The following FRYL variants were observed in gnomAD, a reference collection of about 807,000 sequenced individuals.
FRYL encodes protein furry homolog-like.
A neutral mutation model predicts 351.2 loss-of-function variants in FRYL; 150 were observed. The observed-to-expected ratio is 0.43, with a 90% CI of 0.37 to 0.49. FRYL has a LOEUF of 0.49. Ranked by LOEUF, FRYL falls within the 20% of genes least tolerant of loss-of-function variation. The pLI is 0.00. For synonymous variants in FRYL, 1,153 were observed against 1,257.1 expected (o/e 0.92, Z 1.75); for missense variants, 3,036 against 3,619.3 (o/e 0.84, Z 4.13).
In FRYL at chr4:48,528,004, A is replaced by G; in HGVS notation, c.7107T>C (p.Cys2369=). ...REKLMNVLSL[C]GPESGLPKNP... ...TCTTTGGGAGGCCAGATTCTGGACC[A>G]CAGAGAGAAAGCACATTCATTAGCT... Residue 2369 remains cysteine (C), a synonymous_variant, in exon 52 of 64, where the codon TGT becomes TGC. Coordinates refer to ENST00000358350, the MANE Select transcript of FRYL (RefSeq NM_015030.2). 2 of 1,582,770 alleles carry G rather than the reference A, an allele frequency of 1.3e-6. No individual in the cohort carries two copies. Among genetic ancestry groups the G allele is most frequent in the Non-Finnish European group, 1.7e-6 (2 of 1,171,450 alleles).
Position 48,730,490 on chromosome 4 carries a change from T to C in FRYL, c.-383-19792A>G, listed in dbSNP as rs1390839294. 3.3e-5 allele frequency among the ~76,000 whole-genome samples: 5 copies of C among 152,138 alleles called. No individual in the cohort carries two copies. In the East Asian group the frequency reaches 7.7e-4, roughly 23 times the overall value. On this transcript the variant is annotated intron_variant, in intron 1 of 63. Coordinates refer to ENST00000358350, the MANE Select transcript of FRYL (RefSeq NM_015030.2). Reference sequence around the variant, plus strand: ...GTTAAGGACAGCCAGAGAGAAAGGCTGGGTTACCCACAAAAGGGAAGCCCA... The same window carrying C: ...GTTAAGGACAGCCAGAGAGAAAGGCCGGGTTACCCACAAAAGGGAAGCCCA...
intron 3 of FRYL, among the ~76,000 whole-genome samples, chr4:48,684,202 T>C (rs1764938614): frequency 1.3e-5 from 2 of 152,186 alleles, no homozygotes; most frequent in Non-Finnish European, 2.9e-5. Context: ...CTGTGCAAGA[T>C]ATGAAGGCAT....
intron 1 of FRYL, among the ~76,000 whole-genome samples, chr4:48,752,953 CG>C (rs1287360964): frequency 1.3e-5 from 2 of 151,954 alleles, no homozygotes; most frequent in East Asian, 3.9e-4. Context: ...CGTTGGAGTC[CG>C]TTAATTGCAG....
At chr4:48,516,630 C>T (rs1481183595) in intron 55 of FRYL, among the ~76,000 whole-genome samples, 10 of 152,096 alleles carry the variant, frequency 6.6e-5, no homozygotes, top group Non-Finnish European at 1.0e-4. Context: ...CCTAGACTAG[C>T]CCAGGCCTTA....
intron 3 of FRYL, among the ~76,000 whole-genome samples, chr4:48,672,543 A>G (rs1335452176): frequency 6.6e-6 from 1 of 152,254 alleles, no homozygotes; most frequent in Admixed American, 6.5e-5. Context: ...AGGAAAAAGA[A>G]GTCCTGACCT....
In FRYL at chr4:48,565,010, C is replaced by G; in HGVS notation, c.3364G>C (p.Ala1122Pro). Residue 1122 changes from alanine to proline, a missense_variant, in exon 30 of 64, where the codon GCA (alanine) becomes CCA (proline). Around this residue, in one of 7 missense-constraint regions of FRYL, gnomAD observed 1,987 missense variants for 2,311.7 expected, o/e 0.86. Coordinates refer to ENST00000358350, the MANE Select transcript of FRYL (RefSeq NM_015030.2). ...TCTGATGAAAGTCCTACATTATCTGCAACAGGGCCACAACACAGTACAGCA... is the reference window on the plus strand; with the variant it reads ...TCTGATGAAAGTCCTACATTATCTGGAACAGGGCCACAACACAGTACAGCA... ...MSAVLCCGPV[A>P]DNVGLSSDGY... 6.2e-7 allele frequency: 1 copy of G among 1,607,556 alleles called. No individual in the cohort carries two copies. Among genetic ancestry groups the G allele is most frequent in the Non-Finnish European group, 8.5e-7 (1 of 1,175,054 alleles).
In FRYL at chr4:48,564,083, T is replaced by A; in HGVS notation, c.3461A>T (p.Glu1154Val). 1 of 1,614,060 alleles carries A rather than the reference T, an allele frequency of 6.2e-7. No individual in the cohort carries two copies. The highest frequency in any genetic ancestry group is 8.5e-7 in the Non-Finnish European group (1 of 1,179,982). Residue 1154 changes from glutamate to valine, a missense_variant, in exon 31 of 64, where the codon GAA becomes GTA. Glu to Val is a moderately radical substitution (Grantham distance 121, BLOSUM62 -2). Transcript: ENST00000358350. ...LDKKVHQLGC[E>V]AVTLLLELNP... ...CAGCTCCAGTAACAACGTAACTGCT[T>A]CACAGCCCAGCTGGTGAACCTAGGT...
rs57457069 is a variant in FRYL, at chr4:48,525,163, G to GTATATA, written c.7318-2065_7318-2060dup. On this transcript the variant is annotated intron_variant, in intron 53 of 63. Transcript: ENST00000358350. ...ATTCTTGCAACTTTTATTTTTAAAG[G>GTATATA]TATATATATATATATATATATATAT... is the stretch of plus-strand genomic sequence containing the variant. 1.4e-3 allele frequency among the ~76,000 whole-genome samples: 199 copies of GTATATA among 139,878 alleles called. 3 individuals are homozygous for GTATATA. Among genetic ancestry groups the GTATATA allele is most frequent in the African/African-American group, 5.3e-3 (187 of 35,266 alleles). 91.8% of individuals were successfully genotyped at this position (139,878 alleles called of 152,430 possible).
intron 1 of FRYL, among the ~76,000 whole-genome samples, chr4:48,722,142 C>G (rs769022335): frequency 6.6e-6 from 1 of 152,088 alleles, no homozygotes; most frequent in Non-Finnish European, 1.5e-5. Flanking sequence ...TCAAACTTTA[C>G]CCGAGGAATT....
intron 1 of FRYL, among the ~76,000 whole-genome samples, chr4:48,767,953 C>A (rs1179999140): frequency 1.3e-5 from 2 of 152,230 alleles, no homozygotes; most frequent in African/African-American, 4.8e-5. Context: ...TGTGGGTAAC[C>A]TCTGATTGAT....
intron 1 of FRYL, among the ~76,000 whole-genome samples, chr4:48,767,749 C>T (rs1476870321): frequency 6.6e-6 from 1 of 152,162 alleles, no homozygotes; most frequent in Non-Finnish European, 1.5e-5. Flanking sequence ...GTACAGCATG[C>T]ATTTTCTCAT....
intron 23 of FRYL, among the ~76,000 whole-genome samples, chr4:48,578,530 T>C (rs1192873743): frequency 6.6e-6 from 1 of 152,224 alleles, no homozygotes; most frequent in Non-Finnish European, 1.5e-5. Flanking sequence ...TCAAATCTCC[T>C]ACTCAGTGTG....
chr4:48,578,454 A>C (rs754621386), intron 23 of FRYL, among the ~76,000 whole-genome samples: 3 of 152,212 alleles, frequency 2.0e-5, no homozygotes, highest in Non-Finnish European at 4.4e-5. Flanking sequence ...AACTAACTGA[A>C]ATTTATAATG....
rs572912103 is a variant in FRYL at position 48,705,129 on chromosome 4, T to C, written c.-204+5390A>G. On this transcript the variant is annotated intron_variant, in intron 2 of 63. Coordinates refer to ENST00000358350, the MANE Select transcript of FRYL (RefSeq NM_015030.2). Reference sequence around the variant, plus strand: ...GTGAGACTGTCTTAAAACAAACAAATAAACACTGCATTCTCATTTACCCTT... The same window carrying C: ...GTGAGACTGTCTTAAAACAAACAAACAAACACTGCATTCTCATTTACCCTT... Among the ~76,000 whole-genome samples the C allele has an allele frequency of 4.6e-5, 7 of 151,860 alleles. No individual in the cohort carries two copies. The South Asian group carries it at 8.3e-4, about 18-fold the overall frequency.
intron 1 of FRYL, among the ~76,000 whole-genome samples, chr4:48,772,131 T>G (rs1454462492): frequency 1.3e-5 from 2 of 152,228 alleles, no homozygotes; most frequent in African/African-American, 4.8e-5. Context: ...GTATAAGTAT[T>G]AATAATGTAT....
intron 3 of FRYL, among the ~76,000 whole-genome samples, chr4:48,660,931 G>A (rs1254244329): frequency 5.3e-5 from 8 of 152,196 alleles, no homozygotes; most frequent in African/African-American, 1.7e-4. Context: ...AATTGTCACA[G>A]TCTAGAGGAG....
intron 50 of FRYL, among the ~76,000 whole-genome samples, chr4:48,528,801 A>C (rs1726856635): frequency 6.6e-6 from 1 of 152,230 alleles, no homozygotes; most frequent in Non-Finnish European, 1.5e-5. Flanking sequence ...ATACTGAAGT[A>C]ACAAAAGAGG....
chr4:48,547,626 G>C lies in FRYL; in HGVS notation c.5032C>G (p.Leu1678Val). 6.3e-7 allele frequency: 1 copy of C among 1,588,564 alleles called. No homozygotes were observed. The highest frequency in any genetic ancestry group is 8.6e-7 in the Non-Finnish European group (1 of 1,163,556). ...AAGTGTGCAACTTGTTTGACTGTAAGCACCCTGGGCTCATTAAACTCCTTG... is the reference window on the plus strand; with the variant it reads ...AAGTGTGCAACTTGTTTGACTGTAACCACCCTGGGCTCATTAAACTCCTTG... ...RNKEFNEPRVLTVKQVAHLDY... is the reference protein window; with the variant it reads ...RNKEFNEPRVVTVKQVAHLDY... Residue 1678 changes from leucine to valine, a missense_variant, in exon 41 of 64, where the codon CTT (leucine) becomes GTT (valine). Coordinates refer to ENST00000358350, the MANE Select transcript of FRYL (RefSeq NM_015030.2).
intron 12 of FRYL, 143 bp downstream of exon 12, chr4:48,603,147 G>C: frequency 3.1e-6 from 2 of 650,734 alleles, no homozygotes; most frequent in East Asian, 2.8e-5. Flanking sequence ...CAAAACATAC[G>C]TATGTAAAAC....
Sources: allele counts gnomAD v4.1 joint callset (sites outside exome capture counted in the v4.1 genomes callset), GRCh38; gene constraint gnomAD v4.1.1; regional missense constraint gnomAD v4.1.1; transcripts MANE v1.5; gene names NCBI Gene and HGNC (gene_info 2026-07-23, HGNC 2026-07-21).